SKAP1: variants seen among roughly 807,000 people sequenced by gnomAD.
SKAP1 encodes src kinase-associated phosphoprotein 1.
A neutral mutation model predicts 58.5 loss-of-function variants in SKAP1; 44 were observed. The observed-to-expected ratio is 0.75, with a 90% CI of 0.59 to 0.97. The LOEUF (loss-of-function observed/expected upper bound fraction) is 0.97. SKAP1 is among the 50% of genes least tolerant of loss of function. The pLI is 0.00. For synonymous variants in SKAP1, 127 were observed against 149.7 expected (o/e 0.85, Z 1.11); for missense variants, 390 against 435.2 (o/e 0.90, Z 0.92).
In SKAP1 at chr17:48,162,618, G is replaced by A. The variant is rs62066409; in HGVS notation, c.878-49C>T. On this transcript the variant is annotated intron_variant, in intron 10 of 12. Coordinates refer to ENST00000336915, the MANE Select transcript of SKAP1 (RefSeq NM_003726.4). ...AAGTTAAAAGGACTCTATTTTTTCC[G>A]AGGTACCCATGTTTTTGCTGCAAAT... The A allele has an allele frequency of 5.5e-6, 8 of 1,467,056 alleles. 1 individual carries two copies. The East Asian group carries it at 1.4e-4, about 25-fold the overall frequency. 90.9% of individuals were successfully genotyped at this position (1,467,056 alleles called of 1,614,324 possible).
At chr17:48,372,968 A>G (rs1419304571) in intron 2 of SKAP1, among the ~76,000 whole-genome samples, 2 of 152,130 alleles carry the variant, frequency 1.3e-5, no homozygotes, top group Non-Finnish European at 2.9e-5. Context: ...TATTATCCTC[A>G]TTTTACACAT....
chr17:48,140,782 T>TC (rs1567789055), intron 11 of SKAP1, among the ~76,000 whole-genome samples: 3 of 150,308 alleles, frequency 2.0e-5, no homozygotes, highest in African/African-American at 7.4e-5. Context: ...CTTCTTCTTT[T>TC]TTTTTTTTTT....
At chr17:48,291,533 G>A (rs2065896277) in intron 4 of SKAP1, among the ~76,000 whole-genome samples, 1 of 152,208 alleles carries the variant, frequency 6.6e-6, no homozygotes, top group South Asian at 2.1e-4. Context: ...CCAATGATAA[G>A]ATGAGTGAGC....
chr17:48,343,163 C>T (rs952920998), intron 4 of SKAP1, among the ~76,000 whole-genome samples: 3 of 152,080 alleles, frequency 2.0e-5, no homozygotes, highest in African/African-American at 7.2e-5. Flanking sequence ...CTGCATTTTT[C>T]ACCTGCAGCT....
chr17:48,434,483 C>A (rs1422304172), upstream of SKAP1, among the ~76,000 whole-genome samples: 2 of 152,182 alleles, frequency 1.3e-5, no homozygotes, highest in Non-Finnish European at 2.9e-5. Context: ...CACACTCACA[C>A]AAATACACTT....
At chr17:48,402,084 C>A (rs1192510408) in intron 1 of SKAP1, among the ~76,000 whole-genome samples, 1 of 152,120 alleles carries the variant, frequency 6.6e-6, no homozygotes, top group East Asian at 1.9e-4. Context: ...CCACTTCACA[C>A]CCACTAGAAT....
intron 11 of SKAP1, among the ~76,000 whole-genome samples, chr17:48,142,350 T>C (rs2063778001): frequency 6.6e-6 from 1 of 152,100 alleles, no homozygotes; most frequent in Non-Finnish European, 1.5e-5. Flanking sequence ...TAATCCCAGC[T>C]ACTCGGGAAG....
In SKAP1 at chr17:48,325,993, G is replaced by C. The variant is rs72827831; in HGVS notation, c.280+19912C>G. ...TCATTAATTCACACAAACACACTTT[G>C]TATTGTCAAAAATGTACACACACAT... On this transcript the variant is annotated intron_variant, in intron 4 of 12. Transcript: ENST00000336915. Among the ~76,000 whole-genome samples, 1,288 of 152,264 alleles carry C rather than the reference G, an allele frequency of 8.5e-3. 7 individuals are homozygous for C. Among genetic ancestry groups the C allele is most frequent in the South Asian group, 0.025 (122 of 4,818 alleles).
intron 11 of SKAP1, among the ~76,000 whole-genome samples, chr17:48,138,952 A>G (rs10445339): frequency 0.56 from 84,225 of 151,658 alleles, 24,460 homozygotes; most frequent in East Asian, 0.77. Flanking sequence ...GCAGTGGCAC[A>G]ATCTTGGGTC....
chr17:48,423,240 T>C (rs2067817178), intron 1 of SKAP1, among the ~76,000 whole-genome samples: 1 of 152,182 alleles, frequency 6.6e-6, no homozygotes, highest in Non-Finnish European at 1.5e-5. Context: ...GAGTGGATTA[T>C]AAATGAAATA....
At chr17:48,423,124 GAAC>G (rs1292315860) in intron 1 of SKAP1, among the ~76,000 whole-genome samples, 2 of 152,068 alleles carry the variant, frequency 1.3e-5, no homozygotes, top group Non-Finnish European at 2.9e-5. Flanking sequence ...GCATGCTATT[GAAC>G]AACAACAACA....
intron 4 of SKAP1, among the ~76,000 whole-genome samples, chr17:48,261,987 G>C (rs2065490979): frequency 6.6e-6 from 1 of 152,212 alleles, no homozygotes; most frequent in Admixed American, 6.5e-5. Flanking sequence ...GTAAGTAAAA[G>C]AAAGTTTCAG....
intron 4 of SKAP1, among the ~76,000 whole-genome samples, chr17:48,288,615 G>T (rs1056598789): frequency 1.3e-5 from 2 of 152,206 alleles, no homozygotes; most frequent in Non-Finnish European, 2.9e-5. Context: ...GAACCCAGGA[G>T]ATGGAGGTTG....
chr17:48,138,956 T>C (rs2063736109), intron 11 of SKAP1, among the ~76,000 whole-genome samples: 1 of 151,932 alleles, frequency 6.6e-6, no homozygotes. Flanking sequence ...TGGCACAATC[T>C]TGGGTCACTG....
chr17:48,272,803 C>T (rs2143992863), intron 4 of SKAP1, among the ~76,000 whole-genome samples: 1 of 152,278 alleles, frequency 6.6e-6, no homozygotes, highest in East Asian at 1.9e-4. Context: ...GCGATCCACC[C>T]ACCTTGGCCT....
chr17:48,229,604 G>A (rs1248176013), intron 4 of SKAP1, among the ~76,000 whole-genome samples: 1 of 152,052 alleles, frequency 6.6e-6, no homozygotes, highest in East Asian at 1.9e-4. Flanking sequence ...CTGGGTGACA[G>A]AGTGAGACTC....
intron 10 of SKAP1, among the ~76,000 whole-genome samples, chr17:48,165,276 G>C (rs949658550): frequency 1.3e-5 from 2 of 152,166 alleles, no homozygotes; most frequent in Non-Finnish European, 2.9e-5. Context: ...ACCAGGAAGA[G>C]CTTAAAAGCC....
At chr17:48,301,987 G>A (rs1047370504) in intron 4 of SKAP1, among the ~76,000 whole-genome samples, 1 of 152,036 alleles carries the variant, frequency 6.6e-6, no homozygotes, top group African/African-American at 2.4e-5. Flanking sequence ...ATATAATGAA[G>A]ACTATGTTAT....
At chr17:48,269,902 C>T (rs895268429) in intron 4 of SKAP1, among the ~76,000 whole-genome samples, 3 of 151,988 alleles carry the variant, frequency 2.0e-5, no homozygotes, top group Admixed American at 6.5e-5. Flanking sequence ...CACCTGAGGT[C>T]GGGAGTTCGC....
Sources: allele counts gnomAD v4.1 joint callset (sites outside exome capture counted in the v4.1 genomes callset), GRCh38; gene constraint gnomAD v4.1.1; transcripts MANE v1.5; gene names NCBI Gene and HGNC (gene_info 2026-07-23, HGNC 2026-07-21).